Variants in ZNF804A observed in about 807,000 individuals in gnomAD.
ZNF804A encodes the protein zinc finger protein 804A.
Under a neutral mutation model 16.5 loss-of-function variants are expected in ZNF804A, and 2 were observed. The observed-to-expected ratio is 0.12, with a 90% CI of 0.05 to 0.38. The LOEUF is 0.38. ZNF804A is among the 10% of genes least tolerant of loss of function. The pLI is 0.99. For missense variants in ZNF804A, 1,473 were observed against 1,390.7 expected (o/e 1.06, Z -0.94); for synonymous variants, 534 against 489.6 (o/e 1.09, Z -1.20).
chr2:184,937,370 A>G lies in ZNF804A; in HGVS notation c.1974A>G (p.Lys658=), dbSNP rs1214507647. 6.2e-7 allele frequency: 1 copy of G among 1,613,716 alleles called. No individual in the cohort carries two copies. Among genetic ancestry groups the G allele is most frequent in the South Asian group, 1.1e-5 (1 of 91,064 alleles). ...TAGACTCACATCAGTTACTTGATAAAAGGCCCAAATCAGAATCCATATCCT... is the reference window on the plus strand; with the variant it reads ...TAGACTCACATCAGTTACTTGATAAGAGGCCCAAATCAGAATCCATATCCT... ...QLLDSHQLLD[K]RPKSESISLS... Residue 658 remains lysine, a synonymous_variant, in exon 4 of 4, where the codon AAA becomes AAG. Coordinates refer to ENST00000302277, the MANE Select transcript of ZNF804A (RefSeq NM_194250.2).
intron 1 of ZNF804A, among the ~76,000 whole-genome samples, chr2:184,657,479 T>G (rs1692098585): frequency 6.6e-6 from 1 of 152,202 alleles, no homozygotes; most frequent in Non-Finnish European, 1.5e-5. Context: ...TTGGGGCTTT[T>G]TGTTTTTTGA....
intron 1 of ZNF804A, among the ~76,000 whole-genome samples, chr2:184,835,676 A>AAC (rs143296995): frequency 3.2e-4 from 48 of 151,006 alleles, no homozygotes; most frequent in African/African-American, 1.2e-3. Flanking sequence ...AAAAAAAAAA[A>AAC]CAGAAAAAAG....
rs561220773 is a variant in ZNF804A, at chr2:184,677,064, G to GA, written c.111+78002dup. On this transcript the variant is annotated intron_variant, in intron 1 of 3. Coordinates refer to ENST00000302277, the MANE Select transcript of ZNF804A (RefSeq NM_194250.2). ...TGTACTAAAGCAGTAGAACAAAAAA[G>GA]AAAAAAAACATTTATTTTTTCCCTA... is the stretch of plus-strand genomic sequence containing the variant. Among the ~76,000 whole-genome samples, 534 of 151,126 alleles carry GA rather than the reference G, an allele frequency of 3.5e-3. 2 individuals carry two copies. Among genetic ancestry groups the GA allele is most frequent in the South Asian group, 0.021 (99 of 4,796 alleles).
chr2:184,826,321 G>T (rs368036557), intron 1 of ZNF804A, among the ~76,000 whole-genome samples: 3 of 151,930 alleles, frequency 2.0e-5, no homozygotes, highest in Non-Finnish European at 4.4e-5. Flanking sequence ...AATGAAATAC[G>T]TATATTTAAT....
intron 1 of ZNF804A, among the ~76,000 whole-genome samples, chr2:184,742,661 T>G (rs1294097297): frequency 1.5e-5 from 2 of 131,610 alleles, no homozygotes; most frequent in Admixed American, 1.4e-4. Flanking sequence ...AATAAATATT[T>G]GTAAATTATT....
At chr2:184,788,215 A>C (rs138950930) in intron 1 of ZNF804A, among the ~76,000 whole-genome samples, 146 of 152,166 alleles carry the variant, frequency 9.6e-4, no homozygotes, top group African/African-American at 3.3e-3. Context: ...TTTTTGTACC[A>C]GTACCACGCT....
intron 1 of ZNF804A, among the ~76,000 whole-genome samples, chr2:184,788,292 T>C (rs1694483011): frequency 6.6e-6 from 1 of 152,076 alleles, no homozygotes; most frequent in Non-Finnish European, 1.5e-5. Context: ...AAATTTGTTC[T>C]TTTTGCTTTG....
intron 1 of ZNF804A, among the ~76,000 whole-genome samples, chr2:184,858,149 T>C (rs181417528): frequency 1.4e-3 from 213 of 152,178 alleles, no homozygotes; most frequent in African/African-American, 4.7e-3. Flanking sequence ...TTTTGCTTTG[T>C]GGTTACTGTA....
At chr2:184,910,653 T>A (rs974571489) in intron 2 of ZNF804A, among the ~76,000 whole-genome samples, 9 of 152,216 alleles carry the variant, frequency 5.9e-5, no homozygotes, top group Admixed American at 3.3e-4. Flanking sequence ...TTTTGACTTT[T>A]AAGTAATAGC....
At chr2:184,884,768 T>C (rs574066308) in intron 2 of ZNF804A, among the ~76,000 whole-genome samples, 1 of 152,066 alleles carries the variant, frequency 6.6e-6, no homozygotes, top group Non-Finnish European at 1.5e-5. Flanking sequence ...GAAATAAATA[T>C]AATTCTGTAC....
At chr2:184,667,191 T>C (rs575697776) in intron 1 of ZNF804A, among the ~76,000 whole-genome samples, 1 of 152,070 alleles carries the variant, frequency 6.6e-6, no homozygotes, top group South Asian at 2.1e-4. Flanking sequence ...AAGACATTCT[T>C]ACTGTTTTTG....
At chr2:184,654,034 C>A in intron 1 of ZNF804A, among the ~76,000 whole-genome samples, 1 of 152,204 alleles carries the variant, frequency 6.6e-6, no homozygotes, top group East Asian at 1.9e-4. Flanking sequence ...TGATAACTGC[C>A]AGACCATCAC....
chr2:184,780,531 C>A (rs999357135), intron 1 of ZNF804A, among the ~76,000 whole-genome samples: 1 of 151,546 alleles, frequency 6.6e-6, no homozygotes, highest in Non-Finnish European at 1.5e-5. Flanking sequence ...CATTTCAGAA[C>A]CTTAATCACA....
At chr2:184,661,639 T>C (rs985425491) in intron 1 of ZNF804A, among the ~76,000 whole-genome samples, 8 of 152,004 alleles carry the variant, frequency 5.3e-5, no homozygotes, top group Non-Finnish European at 7.4e-5. Flanking sequence ...AAGGAACCAA[T>C]AGAGAAGAGA....
At chr2:184,734,891 A>G (rs1249450924) in intron 1 of ZNF804A, among the ~76,000 whole-genome samples, 1 of 152,136 alleles carries the variant, frequency 6.6e-6, no homozygotes, top group Non-Finnish European at 1.5e-5. Context: ...TTCCTGGAGA[A>G]TTGATCCCTT....
intron 2 of ZNF804A, among the ~76,000 whole-genome samples, chr2:184,889,597 T>C (rs1334715891): frequency 2.0e-5 from 3 of 151,912 alleles, no homozygotes; most frequent in African/African-American, 7.2e-5. Context: ...ATTAAAAATA[T>C]GTATGTTAAC....
At chr2:184,864,398 C>T (rs1290408041) in intron 1 of ZNF804A, among the ~76,000 whole-genome samples, 1 of 152,082 alleles carries the variant, frequency 6.6e-6, no homozygotes, top group East Asian at 1.9e-4. Flanking sequence ...CCCATTAGGC[C>T]CCACCTCCAG....
At chr2:184,603,987 T>C (rs1016228469) in intron 1 of ZNF804A, among the ~76,000 whole-genome samples, 1 of 151,968 alleles carries the variant, frequency 6.6e-6, no homozygotes, top group African/African-American at 2.4e-5. Context: ...GCAAGCAGTA[T>C]TTTAAGGCAA....
chr2:184,601,443 A>G (rs1691044355), intron 1 of ZNF804A, among the ~76,000 whole-genome samples: 1 of 152,032 alleles, frequency 6.6e-6, no homozygotes, highest in Admixed American at 6.5e-5. Context: ...AAAAATTAGC[A>G]ACTCAATAAG....
Sources: gnomAD v4.1 joint callset for allele counts (sites outside exome capture counted in the v4.1 genomes callset) on GRCh38, gnomAD v4.1.1 for gene constraint, MANE v1.5 for transcripts, NCBI Gene and HGNC (gene_info 2026-07-23, HGNC 2026-07-21) for gene names.